The following MANBA variants were observed in gnomAD, a reference collection of about 807,000 sequenced individuals.
The protein encoded by MANBA is mannosidase beta.
MANBA carries 83 observed loss-of-function variants against 111.1 expected under a neutral mutation model. The observed-to-expected ratio is 0.75, with a 90% CI of 0.63 to 0.90. MANBA has a LOEUF of 0.90. Ranked by LOEUF, MANBA falls within the 40% of genes least tolerant of loss-of-function variation. MANBA has a pLI of 0.00. For missense variants in MANBA, 1,036 were observed against 1,069.0 expected (o/e 0.97, Z 0.43); for synonymous variants, 370 against 378.7 (o/e 0.98, Z 0.27).
chr4:102,738,553 A>G (rs538263869), intron 1 of MANBA, among the ~76,000 whole-genome samples: 2 of 152,340 alleles, frequency 1.3e-5, no homozygotes, highest in East Asian at 3.9e-4. Flanking sequence ...GGGAAGGGGG[A>G]GAGCATCTCA....
At chr4:102,684,993 A>G (rs1732147894) in intron 7 of MANBA, among the ~76,000 whole-genome samples, 1 of 152,212 alleles carries the variant, frequency 6.6e-6, no homozygotes, top group South Asian at 2.1e-4. Context: ...CCTAAATGTC[A>G]AAAACATAAT....
chr4:102,647,456 T>C (rs1364770521), intron 13 of MANBA, among the ~76,000 whole-genome samples: 1 of 151,630 alleles, frequency 6.6e-6, no homozygotes, highest in Non-Finnish European at 1.5e-5. Context: ...AAATTATTTC[T>C]ATCAGTTCTT....
At chr4:102,752,078 T>C in intron 1 of MANBA, 1 of 760,538 alleles carries the variant, frequency 1.3e-6, no homozygotes. Context: ...GAAGATGAAA[T>C]GGAGGAATCC....
intron 1 of MANBA, among the ~76,000 whole-genome samples, chr4:102,750,736 G>A (rs753114581): frequency 2.0e-5 from 3 of 152,008 alleles, no homozygotes; most frequent in Non-Finnish European, 4.4e-5. Context: ...AACATAGGGA[G>A]ACTCTGTCTC....
At position 102,727,507 on chromosome 4, in the gene MANBA, T is replaced by C. The variant is rs114880416; in HGVS notation, c.178-824A>G. The C allele has an allele frequency of 1.6e-3, 2,533 of 1,542,378 alleles. 38 individuals carry two copies. In the African/African-American group the frequency reaches 0.027, roughly 16 times the overall value. On this transcript the variant is annotated intron_variant, in intron 1 of 16. Coordinates refer to ENST00000647097, the MANE Select transcript of MANBA (RefSeq NM_005908.4). ...ATGAGAAATGAGTCTTCTCACATCA[T>C]TATTGGGGATGAGGGGCCGTAGCTG...
chr4:102,691,100 C>G (rs923655815), intron 5 of MANBA: 1 of 152,142 alleles, frequency 6.6e-6, no homozygotes, highest in Non-Finnish European at 1.5e-5. Flanking sequence ...GAATAATACA[C>G]ATTTGTTCCT....
intron 7 of MANBA, among the ~76,000 whole-genome samples, chr4:102,686,766 T>C (rs536712503): frequency 5.9e-5 from 9 of 152,312 alleles, no homozygotes; most frequent in African/African-American, 2.2e-4. Context: ...ATTCTTCTAC[T>C]GGCTTCTCCC....
intron 13 of MANBA, among the ~76,000 whole-genome samples, chr4:102,646,760 A>G (rs542549796): frequency 9.0e-4 from 137 of 152,242 alleles, no homozygotes; most frequent in African/African-American, 3.2e-3. Context: ...TATTGGGAAT[A>G]CAATATAACA....
At chr4:102,674,373 C>T (rs977442048) in intron 7 of MANBA, among the ~76,000 whole-genome samples, 3 of 151,990 alleles carry the variant, frequency 2.0e-5, no homozygotes, top group Non-Finnish European at 4.4e-5. Context: ...GATAACATCT[C>T]TAAATTAAAA....
At chr4:102,724,451 A>G (rs1224057160) in intron 2 of MANBA, among the ~76,000 whole-genome samples, 3 of 151,518 alleles carry the variant, frequency 2.0e-5, no homozygotes, top group Non-Finnish European at 4.4e-5. Context: ...CCAAGCTACT[A>G]GGGAGGCTGA....
At chr4:102,758,530 G>A (rs551870910) in intron 1 of MANBA, among the ~76,000 whole-genome samples, 1 of 151,342 alleles carries the variant, frequency 6.6e-6, no homozygotes, top group South Asian at 2.1e-4. Context: ...TGATGTTGAT[G>A]ATTGCTTCTT....
rs1439638279 is a variant in MANBA, at chr4:102,689,649, A to G, written c.885T>C (p.His295=). The G allele has an allele frequency of 1.2e-6, 2 of 1,610,424 alleles. No homozygotes were observed. Among genetic ancestry groups the G allele is most frequent in the African/African-American group, 2.7e-5 (2 of 74,792 alleles). The part of the protein sequence containing the change: ...ITVETWWPHG[H]GNQTGYNMTV... ...TCATGTTGTACCCAGTCTGGTTTCC[A>G]TGTCCATGAGGCCACCAAGTTTCTA... Residue 295 remains histidine, a synonymous_variant, in exon 7 of 17, where the codon CAT becomes CAC. Coordinates refer to ENST00000647097, the MANE Select transcript of MANBA (RefSeq NM_005908.4).
At chr4:102,665,401 G>A (rs1381137203) in intron 10 of MANBA, 2 of 155,314 alleles carry the variant, frequency 1.3e-5, no homozygotes, top group African/African-American at 4.8e-5. Flanking sequence ...CTAGAGGTAT[G>A]CTGGCAGTTA....
At position 102,657,789 on chromosome 4, in the gene MANBA, A is replaced by AT. The variant is rs1730635658; in HGVS notation, c.1596_1597insA (p.Phe533IlefsTer3). ...CAGCAATCACTGATATAGTCATAAA[A>AT]ATGTACATCACCAAAATAATTGCTA... On this transcript the variant is annotated frameshift_variant, in exon 12 of 17. Coordinates refer to ENST00000647097, the MANE Select transcript of MANBA (RefSeq NM_005908.4). LOFTEE classifies it high-confidence loss of function. 1.2e-6 allele frequency: 2 copies of AT among 1,613,594 alleles called. No homozygotes were observed. Among genetic ancestry groups the AT allele is most frequent in the African/African-American group, 2.7e-5 (2 of 74,914 alleles).
chr4:102,731,533 G>A (rs981068586), intron 1 of MANBA, among the ~76,000 whole-genome samples: 1 of 152,042 alleles, frequency 6.6e-6, no homozygotes, highest in Non-Finnish European at 1.5e-5. Flanking sequence ...CCTACCTCAG[G>A]TCAGCAAACT....
chr4:102,690,459 TAAA>T (rs1732422018), intron 6 of MANBA, 134 bp downstream of exon 6: 2 of 797,472 alleles, frequency 2.5e-6, no homozygotes, highest in Non-Finnish European at 4.1e-6. Flanking sequence ...TATGAGAGAC[TAAA>T]ATAGAGAAGA....
intron 7 of MANBA, among the ~76,000 whole-genome samples, chr4:102,680,054 C>T (rs1446631647): frequency 1.3e-5 from 2 of 152,232 alleles, no homozygotes; most frequent in Non-Finnish European, 2.9e-5. Context: ...TCAGGGACAA[C>T]AATTGGGGCG....
intron 1 of MANBA, chr4:102,751,887 A>G: frequency 1.7e-6 from 1 of 580,112 alleles, no homozygotes; most frequent in Non-Finnish European, 3.4e-6. Context: ...GAGTGCCTCT[A>G]TGGATCCAAC....
At chr4:102,759,342 G>C (rs182124957) in intron 1 of MANBA, among the ~76,000 whole-genome samples, 2 of 152,060 alleles carry the variant, frequency 1.3e-5, no homozygotes, top group East Asian at 3.9e-4. Context: ...AATTATTTCA[G>C]TAAAATCAGG....
Sources: allele counts gnomAD v4.1 joint callset (sites outside exome capture counted in the v4.1 genomes callset), GRCh38; gene constraint gnomAD v4.1.1; transcripts MANE v1.5; gene names NCBI Gene and HGNC (gene_info 2026-07-23, HGNC 2026-07-21).